The following CDH12 variants were observed in gnomAD, a reference collection of about 807,000 sequenced individuals.
CDH12 encodes the protein cadherin 12.
In CDH12, 41 loss-of-function variants were observed where a neutral mutation model predicts 74.1. The observed-to-expected ratio is 0.55, with a 90% confidence interval of 0.43 to 0.72. CDH12 has a LOEUF of 0.72. Among genes scored for constraint, CDH12 ranks in the 30% least tolerant of loss-of-function variants. The pLI, the probability that CDH12 is intolerant of heterozygous loss-of-function variation, is 0.00. For synonymous variants in CDH12, 399 were observed against 355.0 expected, an observed-to-expected ratio of 1.12 and a Z score of -1.39; for missense variants, 945 against 977.2, an observed-to-expected ratio of 0.97 and a Z score of 0.44.
At chr5:22,401,245 C>T (rs907251878) in intron 3 of CDH12, among the ~76,000 whole-genome samples, 1 of 152,150 alleles carries the variant, frequency 6.6e-6, no homozygotes, top group African/African-American at 2.4e-5. Flanking sequence ...ACAGGCACAT[C>T]TATAAATATC....
At chr5:22,731,536 A>T (rs947179398) in intron 1 of CDH12, among the ~76,000 whole-genome samples, 2 of 151,896 alleles carry the variant, frequency 1.3e-5, no homozygotes, top group African/African-American at 4.8e-5. Flanking sequence ...ACAAAAGACT[A>T]AAATGTTTGA....
intron 4 of CDH12, among the ~76,000 whole-genome samples, chr5:22,080,459 G>A (rs1178841365): frequency 2.6e-5 from 4 of 152,050 alleles, no homozygotes; most frequent in Admixed American, 1.3e-4. Flanking sequence ...CTTTATAAGA[G>A]TGTAACTGTA....
chr5:22,545,058 C>A (rs973372357), intron 1 of CDH12, among the ~76,000 whole-genome samples: 8 of 152,104 alleles, frequency 5.3e-5, no homozygotes, highest in African/African-American at 1.9e-4. Flanking sequence ...GTCTGTGTAA[C>A]ACATAATTTA....
chr5:21,988,666 G>A (rs941798882), intron 5 of CDH12, among the ~76,000 whole-genome samples: 4 of 152,012 alleles, frequency 2.6e-5, no homozygotes, highest in African/African-American at 4.8e-5. Flanking sequence ...CAAAAAAAGC[G>A]GTGGGAAAAG....
chr5:21,832,411 T>C (rs960919320), intron 8 of CDH12, among the ~76,000 whole-genome samples: 1 of 152,212 alleles, frequency 6.6e-6, no homozygotes, highest in Admixed American at 6.6e-5. Flanking sequence ...GTAAAACTCA[T>C]GATCTCCTTA....
chr5:21,785,110 A>C (rs575802638), intron 10 of CDH12, among the ~76,000 whole-genome samples: 1 of 152,130 alleles, frequency 6.6e-6, no homozygotes, highest in South Asian at 2.1e-4. Flanking sequence ...GTGATCTATG[A>C]ACAGTGATCA....
chr5:22,125,718 T>C (rs139348000), intron 4 of CDH12, among the ~76,000 whole-genome samples: 78 of 152,312 alleles, frequency 5.1e-4, no homozygotes, highest in African/African-American at 1.9e-3. Flanking sequence ...GTGAGTTCCA[T>C]GTACACATCC....
intron 6 of CDH12, among the ~76,000 whole-genome samples, chr5:21,864,129 A>ATGTG (rs56781565): frequency 0.12 from 17,457 of 149,696 alleles, 1,129 homozygotes; most frequent in African/African-American, 0.17. Flanking sequence ...CAGAAAGAAT[A>ATGTG]TGTGTGTGTG....
intron 1 of CDH12, among the ~76,000 whole-genome samples, chr5:22,587,094 C>T (rs1446215696): frequency 6.6e-6 from 1 of 152,002 alleles, no homozygotes; most frequent in Admixed American, 6.6e-5. Context: ...TCTTGGCCTC[C>T]CAAAGTGCTG....
At chr5:22,661,863 A>G (rs1740365880) in intron 1 of CDH12, among the ~76,000 whole-genome samples, 1 of 152,154 alleles carries the variant, frequency 6.6e-6, no homozygotes, top group Non-Finnish European at 1.5e-5. Flanking sequence ...CACAATTACT[A>G]GTATTAGTAA....
chr5:22,631,146 T>C lies in CDH12; in HGVS notation c.-522-125782A>G, dbSNP rs141319555. On this transcript the variant is annotated intron_variant, in intron 1 of 14. Transcript: ENST00000382254. ...AAAGTCAAAAAATAACAGACGCTATTGAGGTTTTAGAGAAAAGGGAATGCT... is the reference window on the plus strand; with the variant it reads ...AAAGTCAAAAAATAACAGACGCTATCGAGGTTTTAGAGAAAAGGGAATGCT... Among the ~76,000 whole-genome samples, 547 of 152,166 alleles carry C rather than the reference T, an allele frequency of 3.6e-3. 1 individual carries two copies. Among genetic ancestry groups the C allele is most frequent in the African/African-American group, 0.01 (422 of 41,550 alleles).
At chr5:22,131,556 T>A (rs971140968) in intron 4 of CDH12, among the ~76,000 whole-genome samples, 1 of 152,142 alleles carries the variant, frequency 6.6e-6, no homozygotes, top group African/African-American at 2.4e-5. Flanking sequence ...GCTCCACTCC[T>A]ACTATTCTAG....
chr5:21,927,417 C>G (rs534500222), intron 6 of CDH12, among the ~76,000 whole-genome samples: 32 of 78,438 alleles, frequency 4.1e-4, no homozygotes, highest in Admixed American at 1.3e-3. Flanking sequence ...AACCCTGTCT[C>G]TACTAAAAAT....
intron 3 of CDH12, among the ~76,000 whole-genome samples, chr5:22,227,303 G>T (rs1426046629): frequency 6.6e-6 from 1 of 151,894 alleles, no homozygotes; most frequent in Non-Finnish European, 1.5e-5. Flanking sequence ...AAGTGGAAGG[G>T]GGTCACTAGA....
intron 3 of CDH12, among the ~76,000 whole-genome samples, chr5:22,318,380 T>C (rs1738719467): frequency 1.3e-5 from 2 of 152,192 alleles, no homozygotes; most frequent in African/African-American, 4.8e-5. Context: ...CTTGATGATA[T>C]ACTATTCAGG....
chr5:22,741,760 G>A (rs143963864), intron 1 of CDH12, among the ~76,000 whole-genome samples: 2 of 152,146 alleles, frequency 1.3e-5, no homozygotes, highest in African/African-American at 2.4e-5. Context: ...CAGAAACTCA[G>A]TGATACACTA....
At chr5:22,847,475 T>A (rs962851499) in intron 1 of CDH12, among the ~76,000 whole-genome samples, 3 of 152,210 alleles carry the variant, frequency 2.0e-5, no homozygotes, top group Admixed American at 6.5e-5. Context: ...GAAATCGTCT[T>A]AAATACATCA....
At chr5:21,941,375 A>G (rs1755322025) in intron 6 of CDH12, among the ~76,000 whole-genome samples, 1 of 152,222 alleles carries the variant, frequency 6.6e-6, no homozygotes, top group Non-Finnish European at 1.5e-5. Context: ...AAAAATTAAG[A>G]TGAGTCATTT....
intron 4 of CDH12, among the ~76,000 whole-genome samples, chr5:22,120,802 T>C (rs1158702227): frequency 1.3e-5 from 2 of 152,148 alleles, no homozygotes; most frequent in African/African-American, 4.8e-5. Context: ...AGGCAAAGCA[T>C]TAATTTCTTT....
Sources: gnomAD v4.1 joint callset for allele counts (sites outside exome capture counted in the v4.1 genomes callset) on GRCh38, gnomAD v4.1.1 for gene constraint, MANE v1.5 for transcripts, NCBI Gene and HGNC (gene_info 2026-07-23, HGNC 2026-07-21) for gene names.